PLCZ1: variants seen among roughly 807,000 people sequenced by gnomAD.
PLCZ1 encodes the protein 1-phosphatidylinositol 4,5-bisphosphate phosphodiesterase zeta-1.
In PLCZ1, 64 loss-of-function variants were observed where a neutral mutation model predicts 76.8. The ratio of observed to expected loss-of-function variants is 0.83; its 90% confidence interval spans 0.68 to 1.03. The LOEUF is 1.03. Among genes scored for constraint, PLCZ1 ranks in the 50% least tolerant of loss-of-function variants. PLCZ1 has a pLI of 0.00. For missense variants in PLCZ1, 751 were observed against 713.7 expected (o/e 1.05, Z -0.60); for synonymous variants, 248 against 230.8 (o/e 1.07, Z -0.68).
the PLCZ1 span, among the ~76,000 whole-genome samples, chr12:18,660,168 G>A: frequency 6.6e-6 from 1 of 152,042 alleles, no homozygotes; most frequent in Non-Finnish European, 1.5e-5. Context: ...GTAAATTTCA[G>A]TACATTTAGG....
chr12:18,646,129 C>T, the PLCZ1 span, among the ~76,000 whole-genome samples: 1 of 152,100 alleles, frequency 6.6e-6, no homozygotes, highest in Admixed American at 6.6e-5. Context: ...TTTTTTAAGG[C>T]AACTCTTAAA....
chr12:18,733,056 A>G (rs1394302617), intron 3 of PLCZ1, among the ~76,000 whole-genome samples: 1 of 152,196 alleles, frequency 6.6e-6, no homozygotes, highest in East Asian at 1.9e-4. Flanking sequence ...AGGTTGTACC[A>G]GTTTGCATTC....
At chr12:18,709,296 G>A (rs895130524) in intron 6 of PLCZ1, among the ~76,000 whole-genome samples, 3 of 151,810 alleles carry the variant, frequency 2.0e-5, no homozygotes, top group Non-Finnish European at 4.4e-5. Flanking sequence ...TTGTCTTCTT[G>A]GTCTCCTTGA....
chr12:18,726,584 G>A (rs905526420), intron 3 of PLCZ1, among the ~76,000 whole-genome samples: 2 of 152,090 alleles, frequency 1.3e-5, no homozygotes, highest in Non-Finnish European at 2.9e-5. Flanking sequence ...TAATTCTATT[G>A]ATTGTCATTC....
Position 18,723,389 on chromosome 12 carries a change from T to C in PLCZ1, c.289A>G (p.Thr97Ala). 1 of 1,613,018 alleles carries C rather than the reference T, an allele frequency of 6.2e-7. No homozygotes were observed. Among genetic ancestry groups the C allele is most frequent in the Non-Finnish European group, 8.5e-7 (1 of 1,179,458 alleles). The change falls in exon 4 of 15, where the codon ACA becomes GCA. Residue 97 changes from threonine to alanine, a missense_variant. Coordinates refer to ENST00000266505, the MANE Select transcript of PLCZ1 (RefSeq NM_033123.4). ...ATCTCAGCTGCATATTGTTCTTGTGTCAGAAATTGAGCCAGATTACTTGCT... is the reference window on the plus strand; with the variant it reads ...ATCTCAGCTGCATATTGTTCTTGTGCCAGAAATTGAGCCAGATTACTTGCT... ...LLASNLAQFL[T>A]QEQYAAEMSK... is the part of the protein sequence containing the mutation.
At chr12:18,650,720 A>G in the PLCZ1 span, among the ~76,000 whole-genome samples, 665 of 10,462 alleles carry the variant, frequency 0.064, 32 homozygotes, top group African/African-American at 0.29. Flanking sequence ...ATCTATATAT[A>G]TATATATATA....
rs886290232 is a variant in PLCZ1, at chr12:18,696,026, C to A, written c.1291+124G>T. On this transcript the variant is annotated intron_variant, in intron 11 of 14. Coordinates refer to ENST00000266505, the MANE Select transcript of PLCZ1 (RefSeq NM_033123.4). ...CACATGACCCACCATTAGTGCCTGACCCCAAAGCCCCCGGGCTAAAAAATC... is the reference window on the plus strand; with the variant it reads ...CACATGACCCACCATTAGTGCCTGAACCCAAAGCCCCCGGGCTAAAAAATC... 5 of 583,790 alleles carry A rather than the reference C, an allele frequency of 8.6e-6. No homozygotes were observed. In the South Asian group the frequency reaches 8.9e-5, roughly 10 times the overall value. 36.2% of individuals were successfully genotyped at this position (583,790 alleles called of 1,614,324 possible).
chr12:18,693,803 A>G, intron 12 of PLCZ1: 1 of 1,518,896 alleles, frequency 6.6e-7, no homozygotes, highest in Non-Finnish European at 9.1e-7. Flanking sequence ...AGCGCTTATC[A>G]GACCAGGCCG....
At chr12:18,700,512 C>CAAAAAAAAAAAAAAAAAAAAAA (rs11324526) in intron 9 of PLCZ1, among the ~76,000 whole-genome samples, 2 of 67,896 alleles carry the variant, frequency 2.9e-5, no homozygotes, top group Non-Finnish European at 2.5e-5. Context: ...AGCCAACGTA[C>CAAAAAAAAAAAAAAAAAAAAAA]AAAAAAAAAA....
the PLCZ1 span, among the ~76,000 whole-genome samples, chr12:18,653,657 G>A: frequency 6.6e-6 from 1 of 151,962 alleles, no homozygotes; most frequent in South Asian, 2.1e-4. Flanking sequence ...GAATTCAAGT[G>A]GTATGTTTAT....
intron 2 of PLCZ1, among the ~76,000 whole-genome samples, chr12:18,736,934 T>C (rs944668701): frequency 6.7e-6 from 1 of 148,178 alleles, no homozygotes; most frequent in Admixed American, 6.9e-5. Flanking sequence ...ATGGTGAGTG[T>C]ATATTTGGTA....
the PLCZ1 span, among the ~76,000 whole-genome samples, chr12:18,650,700 G>GTATATATCTATATA: frequency 4.6e-5 from 2 of 43,838 alleles, no homozygotes; most frequent in Non-Finnish European, 8.5e-5. Context: ...GTGTGTGTGT[G>GTATATATCTATATA]TGTGTATATA....
At chr12:18,683,168 A>C, downstream of PLCZ1, 2 of 1,307,132 alleles carry the variant, frequency 1.5e-6, no homozygotes, top group Non-Finnish European at 2.2e-6. Context: ...TAAAAAAGAA[A>C]ACATAAAGAC....
intron 12 of PLCZ1, chr12:18,693,527 G>A (rs894509557): frequency 3.0e-5 from 49 of 1,611,790 alleles, no homozygotes; most frequent in Non-Finnish European, 4.2e-5. Context: ...CTTGAGAGTG[G>A]TTGGCTCTGA....
intron 3 of PLCZ1, among the ~76,000 whole-genome samples, chr12:18,724,884 T>A (rs545914713): frequency 2.0e-5 from 3 of 152,218 alleles, no homozygotes; most frequent in African/African-American, 7.2e-5. Context: ...AATAGCAGCA[T>A]AAAATAAAAT....
intron 3 of PLCZ1, among the ~76,000 whole-genome samples, chr12:18,732,210 G>C (rs759958515): frequency 2.6e-5 from 4 of 152,062 alleles, no homozygotes; most frequent in Non-Finnish European, 5.9e-5. Context: ...AGAGAGCAGC[G>C]GTGCCATCAC....
At chr12:18,712,717 A>ATTG (rs1297137218) in intron 6 of PLCZ1, 125 bp downstream of exon 6, 14 of 1,208,484 alleles carry the variant, frequency 1.2e-5, no homozygotes, top group Non-Finnish European at 6.0e-6. Flanking sequence ...CTGCCTACTA[A>ATTG]TGGATCATAA....
chr12:18,737,514 G>T lies in PLCZ1; in HGVS notation c.-138-5C>A, dbSNP rs1190690912. ...TCATCAGCTGTTACCACTTTTCTAG[G>T]GAGAAAGCAGAGAACACACAGTGGT... On this transcript the variant is annotated splice_region_variant and splice_polypyrimidine_tract_variant and intron_variant, in intron 1 of 14. Coordinates refer to ENST00000266505, the MANE Select transcript of PLCZ1 (RefSeq NM_033123.4). 2 of 1,149,216 alleles carry T rather than the reference G, an allele frequency of 1.7e-6. No individual in the cohort carries two copies. Among genetic ancestry groups the T allele is most frequent in the African/African-American group, 1.6e-5 (1 of 61,362 alleles). 71.2% of individuals were successfully genotyped at this position (1,149,216 alleles called of 1,614,324 possible).
At chr12:18,666,864 T>G in the PLCZ1 span, among the ~76,000 whole-genome samples, 1 of 152,208 alleles carries the variant, frequency 6.6e-6, no homozygotes, top group Non-Finnish European at 1.5e-5. Flanking sequence ...TTTCTTATTT[T>G]TGCAATTTTC....
Sources: allele counts gnomAD v4.1 joint callset (sites outside exome capture counted in the v4.1 genomes callset), GRCh38; gene constraint gnomAD v4.1.1; transcripts MANE v1.5; gene names NCBI Gene and HGNC (gene_info 2026-07-23, HGNC 2026-07-21).